The following HLA-DPB1 variants were observed in gnomAD, a reference collection of about 807,000 sequenced individuals.
HLA-DPB1 encodes the protein major histocompatibility complex, class II, DP beta 1, also known as HLA class II histocompatibility antigen, DP beta 1 chain.
Under a neutral mutation model 29.4 loss-of-function variants are expected in HLA-DPB1, and 30 were observed. The ratio of observed to expected loss-of-function variants is 1.02; its 90% CI spans 0.76 to 1.38. The LOEUF is 1.38. HLA-DPB1 is among the 40% of genes most tolerant of loss of function. HLA-DPB1 has a pLI of 0.00. For missense variants in HLA-DPB1, 261 were observed against 327.5 expected (o/e 0.80, Z 1.57); for synonymous variants, 114 against 134.0 (o/e 0.85, Z 1.03).
intron 2 of HLA-DPB1, among the ~76,000 whole-genome samples, chr6:33,081,645 A>G (rs1762872230): frequency 6.6e-6 from 1 of 152,106 alleles, no homozygotes; most frequent in Admixed American, 6.5e-5. Context: ...GAAACCAGGG[A>G]GACCTGGGGA....
chr6:33,084,921 A>C (rs376756513), intron 2 of HLA-DPB1, 29 bp from the exon 3 acceptor site: 2 of 1,365,914 alleles, frequency 1.5e-6, no homozygotes, highest in East Asian at 2.5e-5. Context: ...CTCAAATTCT[A>C]TTTCATTATT....
intron 1 of HLA-DPB1, among the ~76,000 whole-genome samples, chr6:33,077,727 C>T (rs1762618184): frequency 6.6e-6 from 1 of 152,190 alleles, no homozygotes; most frequent in Non-Finnish European, 1.5e-5. Context: ...TTCCACTTTT[C>T]CTGCTTACAC....
Position 33,085,889 on chromosome 6 carries a change from G to A in HLA-DPB1, c.757G>A (p.Val253Ile). The stretch of plus-strand genomic sequence containing the variant: ...CTTCATGCACAGGAGGAGCAAGAAA[G>A]GTGAGAAAGCCTGCAGGGTGAGCGG... ...GIFMHRRSKK[V>I]QRGSA The change falls in exon 4 of 6, where the codon GTT (valine) becomes ATT (isoleucine). Residue 253 changes from valine (V) to isoleucine (I), a missense_variant and splice_region_variant. By Grantham distance (29) the Val-to-Ile change is conservative (BLOSUM62 3). Transcript: ENST00000418931. 1.9e-6 allele frequency: 3 copies of A among 1,602,548 alleles called. No individual in the cohort carries two copies. The highest frequency in any genetic ancestry group is 2.2e-5 in the East Asian group (1 of 44,802).
At chr6:33,081,149 A>C in intron 2 of HLA-DPB1, 1 of 579,022 alleles carries the variant, frequency 1.7e-6, no homozygotes, top group Non-Finnish European at 3.0e-6. Flanking sequence ...GGACGAGAGC[A>C]GAGAGACCCC....
At position 33,085,192 on chromosome 6, in the gene HLA-DPB1, G is replaced by T; in HGVS notation, c.607G>T (p.Glu203Ter). Residue 203 changes from glutamate to a stop codon, truncating the protein, a stop_gained, in exon 3 of 6, where the codon GAG (glutamate) becomes TAG (stop). Transcript: ENST00000418931. LOFTEE classifies it high-confidence loss of function. ...QQGDVYTCQV[E>*]HTSLDSPVTV... ...GGGAGATGTCTACACCTGCCAAGTG[G>T]AGCACACCAGCCTGGATAGTCCTGT... The T allele has an allele frequency of 6.2e-7, 1 of 1,612,602 alleles. No homozygotes were observed. Among genetic ancestry groups the T allele is most frequent in the Non-Finnish European group, 8.5e-7 (1 of 1,179,032 alleles).
rs1196967097 is a variant in HLA-DPB1, at chr6:33,087,736, A to G, written c.*1202A>G. The stretch of plus-strand genomic sequence containing the variant: ...TCCATCGGGGGACCGGCTTCCTCCA[A>G]TTTCAGGAGAGGTGGGGCTGAAGGC... On this transcript the variant is annotated 3_prime_UTR_variant, in exon 6 of 6. Transcript: ENST00000418931. 6.6e-6 allele frequency among the ~76,000 whole-genome samples: 1 copy of G among 152,108 alleles called. No homozygotes were observed.
intron 1 of HLA-DPB1, 152 bp downstream of exon 1, chr6:33,076,293 C>T (rs567707819): frequency 1.8e-4 from 112 of 620,724 alleles, no homozygotes; most frequent in Non-Finnish European, 2.8e-4. Context: ...GAGGTTCATC[C>T]CCTATAGGAT....
rs370425045 is a variant in HLA-DPB1 at position 33,088,622 on chromosome 6, G to GA, written c.*2089dup. Among the ~76,000 whole-genome samples the GA allele has an allele frequency of 5.4e-4, 82 of 152,020 alleles. 1 individual carries two copies. In the South Asian group the frequency reaches 7.5e-3, roughly 14 times the overall value. ...AGAGCTGAGAGACCATCCAAACTGGGACCACCTTGTCACTAGACTTCAAAT... is the reference window on the plus strand; with the variant it reads ...AGAGCTGAGAGACCATCCAAACTGGGAACCACCTTGTCACTAGACTTCAAAT... On this transcript the variant is annotated 3_prime_UTR_variant, in exon 6 of 6. Coordinates refer to ENST00000418931, the MANE Select transcript of HLA-DPB1 (RefSeq NM_002121.6).
At chr6:33,083,733 G>C (rs1762972530) in intron 2 of HLA-DPB1, 4 of 152,234 alleles carry the variant, frequency 2.6e-5, no homozygotes, top group Admixed American at 2.6e-4. Context: ...ACCTCCCAAA[G>C]TGCTAAGATT....
intron 2 of HLA-DPB1, among the ~76,000 whole-genome samples, chr6:33,084,217 G>T (rs1388930027): frequency 6.6e-6 from 1 of 152,066 alleles, no homozygotes; most frequent in African/African-American, 2.4e-5. Context: ...TATCAAGATA[G>T]AACTTTGAAA....
In HLA-DPB1 at chr6:33,076,141, G is replaced by T. The variant is rs779874572; in HGVS notation, c.100G>T (p.Glu34Ter). The T allele has an allele frequency of 7.5e-6, 12 of 1,600,416 alleles. No individual in the cohort carries two copies. Among genetic ancestry groups the T allele is most frequent in the Non-Finnish European group, 1.0e-5 (12 of 1,171,238 alleles). The stretch of plus-strand genomic sequence containing the variant: ...TGTGGTCCAGGGCAGGGCCACTCCA[G>T]GTAAGAGCCGAACTGCCATTCTTGG... Reference protein sequence around the residue: ...TSVVQGRATPENYLFQGRQEC... With the variant: ...TSVVQGRATP The change falls in exon 1 of 6, where the codon GAG becomes TAG. Residue 34 changes from glutamate to a stop codon, truncating the protein, a stop_gained and splice_region_variant. Transcript: ENST00000418931. LOFTEE classifies it high-confidence loss of function.
intron 1 of HLA-DPB1, among the ~76,000 whole-genome samples, chr6:33,076,379 G>GTATGCT (rs9282410): frequency 0.61 from 92,079 of 151,684 alleles, 30,723 homozygotes; most frequent in East Asian, 0.88. Flanking sequence ...CCAGTGGTCA[G>GTATGCT]TGTCTTTGGG....
At chr6:33,077,996 G>T (rs115735976) in intron 1 of HLA-DPB1, among the ~76,000 whole-genome samples, 3,284 of 152,252 alleles carry the variant, frequency 0.022, 48 homozygotes, top group Middle Eastern at 0.078. Flanking sequence ...TGAGGCTGGG[G>T]AGAGAGGAGG....
rs1377639586 is a variant in HLA-DPB1 at position 33,080,726 on chromosome 6, G to C, written c.155G>C (p.Arg52Pro). The change falls in exon 2 of 6, where the codon CGC becomes CCC. Residue 52 changes from arginine (R) to proline (P), a missense_variant. Transcript: ENST00000418931. The surrounding 1 kb of genome is among the most constrained non-coding windows in gnomAD (Gnocchi z 4.3). ...TGCTACGCGTTTAATGGGACACAGC[G>C]CTTCCTGGAGAGATACATCTACAAC... ...QECYAFNGTQRFLERYIYNRE... is the reference protein window; with the variant it reads ...QECYAFNGTQPFLERYIYNRE... 1 of 1,613,506 alleles carries C rather than the reference G, an allele frequency of 6.2e-7. No homozygotes were observed. The highest frequency in any genetic ancestry group is 8.5e-7 in the Non-Finnish European group (1 of 1,179,932).
chr6:33,079,830 T>C (rs1191647241), intron 1 of HLA-DPB1: 1 of 432,356 alleles, frequency 2.3e-6, no homozygotes. Context: ...CCAACCCCAG[T>C]ACCAGGGTGC....
rs1287188260 is a variant in HLA-DPB1 at position 33,080,493 on chromosome 6, G to T, written c.101-179G>T. On this transcript the variant is annotated intron_variant, in intron 1 of 5. Coordinates refer to ENST00000418931, the MANE Select transcript of HLA-DPB1 (RefSeq NM_002121.6). The surrounding 1 kb of genome is among the most constrained non-coding windows in gnomAD (Gnocchi z 4.3). ...CTCTCTCTGCGTGGTGAGAAAACAG[G>T]CCTGGAGAGGCTCTGCGACCCGCTT... 2 of 833,036 alleles carry T rather than the reference G, an allele frequency of 2.4e-6. No individual in the cohort carries two copies. Among genetic ancestry groups the T allele is most frequent in the Non-Finnish European group, 4.1e-6 (2 of 493,414 alleles). The allele number at this position is 833,036 out of a possible 1,614,324, so 51.6% of individuals were successfully genotyped here.
chr6:33,086,108 G>A (rs1040346218), intron 4 of HLA-DPB1, 111 bp from the exon 5 acceptor site: 7 of 1,022,700 alleles, frequency 6.8e-6, no homozygotes, highest in South Asian at 1.3e-5. Context: ...AGGCTCCTGC[G>A]GAGCGTCCAT....
intron 3 of HLA-DPB1, 44 bp from the exon 4 acceptor site, chr6:33,085,735 G>A (rs768310969): frequency 9.6e-6 from 12 of 1,247,822 alleles, no homozygotes; most frequent in Middle Eastern, 1.9e-4. Context: ...GAGTAGGGAT[G>A]CAGCTGGTGG....
Position 33,088,653 on chromosome 6 carries a change from A to G in HLA-DPB1, c.*2119A>G, listed in dbSNP as rs925246531. 6.6e-6 allele frequency among the ~76,000 whole-genome samples: 1 copy of G among 152,236 alleles called. No individual in the cohort carries two copies. ...CTTGTCACTAGACTTCAAATTTTCA[A>G]TATTGATAGAGTGTTTTCTAAGAGT... On this transcript the variant is annotated 3_prime_UTR_variant, in exon 6 of 6. Transcript: ENST00000418931.
Sources: allele counts gnomAD v4.1 joint callset (sites outside exome capture counted in the v4.1 genomes callset), GRCh38; gene constraint gnomAD v4.1.1; non-coding constraint Gnocchi (gnomAD v3.1); transcripts MANE v1.5; gene names NCBI Gene and HGNC (gene_info 2026-07-23, HGNC 2026-07-21).